Variants in KIF6 observed in about 807,000 individuals in gnomAD.
The protein encoded by KIF6 is kinesin-like protein KIF6.
Under a neutral mutation model 112.7 loss-of-function variants are expected in KIF6, and 106 were observed. That is an observed-to-expected ratio of 0.94 (90% CI 0.80 to 1.11). KIF6 has a LOEUF of 1.11. KIF6 is among the 50% of genes least tolerant of loss of function. The probability of loss-of-function intolerance (pLI) is 0.00; values close to 1 mark genes in which losing one functional copy is unlikely to be tolerated. For synonymous variants in KIF6, 339 were observed against 339.9 expected, an observed-to-expected ratio of 1.00 and a Z score of 0.03; for missense variants, 929 against 964.0, an observed-to-expected ratio of 0.96 and a Z score of 0.48.
intron 3 of KIF6, among the ~76,000 whole-genome samples, chr6:39,662,584 CA>C (rs1786219220): frequency 6.6e-6 from 1 of 152,088 alleles, no homozygotes; most frequent in African/African-American, 2.4e-5. Context: ...TTTATAGAGA[CA>C]ATATCAATTC....
intron 12 of KIF6, among the ~76,000 whole-genome samples, chr6:39,543,283 A>G (rs1309046887): frequency 6.6e-6 from 1 of 152,134 alleles, no homozygotes; most frequent in Non-Finnish European, 1.5e-5. Context: ...CCAGGCCGAG[A>G]CCATGCCAGG....
chr6:39,701,053 A>G (rs1407025681), intron 3 of KIF6, among the ~76,000 whole-genome samples: 4 of 152,230 alleles, frequency 2.6e-5, no homozygotes, highest in Non-Finnish European at 4.4e-5. Flanking sequence ...ACAAAGTTGC[A>G]GCAGTTTTCA....
intron 16 of KIF6, among the ~76,000 whole-genome samples, chr6:39,374,704 A>C (rs1403420996): frequency 6.6e-6 from 1 of 152,244 alleles, no homozygotes; most frequent in South Asian, 2.1e-4. Context: ...TAAAATGGCT[A>C]TAAGAAAGAT....
At chr6:39,626,359 G>A (rs1321853299) in intron 5 of KIF6, among the ~76,000 whole-genome samples, 1 of 152,070 alleles carries the variant, frequency 6.6e-6, no homozygotes, top group Non-Finnish European at 1.5e-5. Context: ...TGGCTCCAGA[G>A]GCCTAAAGAA....
intron 10 of KIF6, among the ~76,000 whole-genome samples, chr6:39,576,443 C>T (rs1274209043): frequency 2.6e-5 from 4 of 152,142 alleles, no homozygotes; most frequent in African/African-American, 9.6e-5. Flanking sequence ...CTTTTAGACT[C>T]AGTTTCCCCC....
At chr6:39,468,515 G>A (rs1239545075) in intron 13 of KIF6, among the ~76,000 whole-genome samples, 1 of 152,084 alleles carries the variant, frequency 6.6e-6, no homozygotes, top group Non-Finnish European at 1.5e-5. Context: ...AAGATTAAAA[G>A]CTGACGTTTA....
At position 39,335,684 on chromosome 6, in the gene KIF6, G is replaced by T. The variant is rs1459015690; in HGVS notation, c.*848C>A. The T allele has an allele frequency of 1.3e-5, 2 of 152,110 alleles. No individual in the cohort carries two copies. Among genetic ancestry groups the T allele is most frequent in the African/African-American group, 2.4e-5 (1 of 41,422 alleles). The allele number at this position is 152,110 out of a possible 1,614,324, so 9.4% of individuals were successfully genotyped here. A position where few individuals can be genotyped will look rare whatever the true frequency, so the allele number is the denominator to read the frequency against. On this transcript the variant is annotated 3_prime_UTR_variant, in exon 23 of 23. Transcript: ENST00000287152. ...CCTTGAGGGCTGCCCACCTTCCCTT[G>T]GATCTGTCATGGAGAGGGCCCATGG...
intron 13 of KIF6, among the ~76,000 whole-genome samples, chr6:39,525,552 C>T (rs899833378): frequency 5.3e-5 from 8 of 151,934 alleles, no homozygotes; most frequent in South Asian, 2.1e-4. Context: ...GCCAGGAGTT[C>T]GAGACCAGCC....
At chr6:39,503,231 C>T (rs1048531435) in intron 13 of KIF6, among the ~76,000 whole-genome samples, 1 of 152,158 alleles carries the variant, frequency 6.6e-6, no homozygotes, top group Non-Finnish European at 1.5e-5. Context: ...CAACCTGCTC[C>T]TGAATAACTC....
intron 13 of KIF6, among the ~76,000 whole-genome samples, chr6:39,520,728 G>T (rs929031138): frequency 2.6e-5 from 4 of 152,186 alleles, no homozygotes; most frequent in Non-Finnish European, 5.9e-5. Context: ...CAATGACTGA[G>T]GTTCCAATCA....
At chr6:39,581,161 CTTTTTTTT>C (rs60321520) in intron 9 of KIF6, among the ~76,000 whole-genome samples, 3 of 78,674 alleles carry the variant, frequency 3.8e-5, no homozygotes, top group South Asian at 4.8e-4. Context: ...GCTTTACTTT[CTTTTTTTT>C]TTTTTTTTTT....
chr6:39,505,408 A>T (rs1776369690), intron 13 of KIF6, among the ~76,000 whole-genome samples: 1 of 152,164 alleles, frequency 6.6e-6, no homozygotes, highest in African/African-American at 2.4e-5. Context: ...CTATAAGAAA[A>T]CCTAGGCAAT....
chr6:39,676,785 CAAAT>C (rs1554145561), intron 3 of KIF6, among the ~76,000 whole-genome samples: 1 of 150,872 alleles, frequency 6.6e-6, no homozygotes, highest in Non-Finnish European at 1.5e-5. Flanking sequence ...GCAGAGAAAA[CAAAT>C]AAGGAAAAGT....
chr6:39,425,673 CTT>C (rs55923524), intron 14 of KIF6, among the ~76,000 whole-genome samples: 1,696 of 144,302 alleles, frequency 0.012, 18 homozygotes, highest in African/African-American at 0.014. Flanking sequence ...TTTTGAGTAC[CTT>C]TTTTTTTTTT....
At chr6:39,470,967 A>C (rs1299416829) in intron 13 of KIF6, among the ~76,000 whole-genome samples, 1 of 152,216 alleles carries the variant, frequency 6.6e-6, no homozygotes, top group Admixed American at 6.5e-5. Flanking sequence ...TTGAATAATA[A>C]AACTTAACAT....
Position 39,342,590 on chromosome 6 carries a change from T to C in KIF6, c.2428+1119A>G. On this transcript the variant is annotated intron_variant, in intron 22 of 22. Coordinates refer to ENST00000287152, the MANE Select transcript of KIF6 (RefSeq NM_145027.6). This position sits in a 1 kb window ranked among gnomAD's most constrained non-coding sequence, Gnocchi z 4.7. Reference sequence around the variant, plus strand: ...AGATGGGGACTTGGAGATCACTGAATCCAGTTTTTTATTTTTTTTTATTTT... The same window carrying C: ...AGATGGGGACTTGGAGATCACTGAACCCAGTTTTTTATTTTTTTTTATTTT... 6.8e-6 allele frequency among the ~76,000 whole-genome samples: 1 copy of C among 147,538 alleles called. No individual in the cohort carries two copies. The highest frequency in any genetic ancestry group is 2.6e-5 in the African/African-American group (1 of 38,456).
chr6:39,445,410 C>T (rs1283553240), intron 13 of KIF6, among the ~76,000 whole-genome samples: 3 of 152,190 alleles, frequency 2.0e-5, no homozygotes, highest in Non-Finnish European at 2.9e-5. Flanking sequence ...ATATAACATT[C>T]GTTTATTCAT....
intron 9 of KIF6, among the ~76,000 whole-genome samples, chr6:39,580,370 T>C (rs1781216341): frequency 6.6e-6 from 1 of 152,108 alleles, no homozygotes; most frequent in Non-Finnish European, 1.5e-5. Flanking sequence ...CTTTGGGGGT[T>C]CTATTTATCA....
intron 3 of KIF6, among the ~76,000 whole-genome samples, chr6:39,666,809 T>C (rs1195613900): frequency 2.0e-5 from 3 of 152,196 alleles, no homozygotes; most frequent in African/African-American, 7.2e-5. Flanking sequence ...TCTATGATCT[T>C]TGAAACACTT....
Sources: allele counts gnomAD v4.1 joint callset (sites outside exome capture counted in the v4.1 genomes callset), GRCh38; gene constraint gnomAD v4.1.1; non-coding constraint Gnocchi (gnomAD v3.1); transcripts MANE v1.5; gene names NCBI Gene and HGNC (gene_info 2026-07-23, HGNC 2026-07-21).